OR2L13: variants seen among roughly 807,000 people sequenced by gnomAD.
The protein encoded by OR2L13 is olfactory receptor family 2 subfamily L member 13.
OR2L13 carries 14 observed loss-of-function variants against 15.3 expected under a neutral mutation model. The ratio of observed to expected loss-of-function variants is 0.91; its 90% CI spans 0.60 to 1.43. OR2L13 has a LOEUF of 1.43. OR2L13 is among the 40% of genes most tolerant of loss of function. OR2L13 has a pLI of 0.00. For missense variants in OR2L13, 367 were observed against 387.9 expected (o/e 0.95, Z 0.45); for synonymous variants, 152 against 142.9 (o/e 1.06, Z -0.45).
At chr1:248,029,493 TAAC>T in the OR2L13 span, among the ~76,000 whole-genome samples, 3 of 152,104 alleles carry the variant, frequency 2.0e-5, no homozygotes, top group South Asian at 4.1e-4. Flanking sequence ...AAGAGAGTAA[TAAC>T]AACATTTTAT....
At chr1:248,010,490 C>T in the OR2L13 span, among the ~76,000 whole-genome samples, 1 of 152,208 alleles carries the variant, frequency 6.6e-6, no homozygotes, top group Middle Eastern at 3.4e-3. Flanking sequence ...TGTGAATTTT[C>T]TGTCTCATTG....
the OR2L13 span, among the ~76,000 whole-genome samples, chr1:248,020,279 T>A: frequency 6.6e-6 from 1 of 152,096 alleles, no homozygotes; most frequent in Non-Finnish European, 1.5e-5. Context: ...AATGAGGAAG[T>A]AAAACTGTCG....
the OR2L13 span, among the ~76,000 whole-genome samples, chr1:248,055,411 T>G: frequency 6.6e-6 from 1 of 152,210 alleles, no homozygotes; most frequent in South Asian, 2.1e-4. Flanking sequence ...CTTTTTTTTT[T>G]GTTATGTCTC....
chr1:248,017,620 T>G, the OR2L13 span, among the ~76,000 whole-genome samples: 1 of 152,136 alleles, frequency 6.6e-6, no homozygotes, highest in East Asian at 1.9e-4. Flanking sequence ...GGTCTTTTAA[T>G]GGGGTCTTGG....
At chr1:248,062,224 C>G in the OR2L13 span, 1 of 152,132 alleles carries the variant, frequency 6.6e-6, no homozygotes, top group African/African-American at 2.4e-5. Context: ...GAATGAATCC[C>G]AGGAAATGAT....
chr1:247,979,890 G>A, the OR2L13 span, among the ~76,000 whole-genome samples: 13 of 150,662 alleles, frequency 8.6e-5, no homozygotes, highest in Non-Finnish European at 1.8e-4. Context: ...TGAAACAGTT[G>A]TGTTTGATTT....
the OR2L13 span, among the ~76,000 whole-genome samples, chr1:247,982,866 AT>A: frequency 6.6e-6 from 1 of 151,950 alleles, no homozygotes; most frequent in Admixed American, 6.6e-5. Context: ...ATCTATAATG[AT>A]TTTTTTATTT....
the OR2L13 span, among the ~76,000 whole-genome samples, chr1:247,969,985 C>G: frequency 1.3e-5 from 2 of 152,200 alleles, no homozygotes; most frequent in Non-Finnish European, 2.9e-5. Flanking sequence ...TCCCGGCCAA[C>G]TCCTATGCAG....
the OR2L13 span, among the ~76,000 whole-genome samples, chr1:248,050,176 G>A: frequency 6.6e-6 from 1 of 151,880 alleles, no homozygotes; most frequent in African/African-American, 2.4e-5. Flanking sequence ...TACTCACTCT[G>A]AAATAGTGAC....
chr1:247,972,193 C>T, the OR2L13 span, among the ~76,000 whole-genome samples: 1 of 152,092 alleles, frequency 6.6e-6, no homozygotes, highest in Non-Finnish European at 1.5e-5. Context: ...GACACACTAA[C>T]ATCACAATTA....
the OR2L13 span, among the ~76,000 whole-genome samples, chr1:248,053,251 A>G: frequency 3.9e-5 from 6 of 152,178 alleles, no homozygotes; most frequent in Non-Finnish European, 7.4e-5. Flanking sequence ...AATGGCTTCC[A>G]GCTTCATCCA....
At chr1:247,971,793 C>T in the OR2L13 span, among the ~76,000 whole-genome samples, 1 of 152,164 alleles carries the variant, frequency 6.6e-6, no homozygotes, top group South Asian at 2.1e-4. Context: ...CAGAACTCTC[C>T]ACCCCAAATC....
At chr1:248,084,169 T>C in the OR2L13 span, 1 of 1,611,520 alleles carries the variant, frequency 6.2e-7, no homozygotes, top group Admixed American at 1.7e-5. Flanking sequence ...GACGACATGG[T>C]CATCCTCAGG....
chr1:248,055,403 T>G, the OR2L13 span, among the ~76,000 whole-genome samples: 2 of 151,182 alleles, frequency 1.3e-5, no homozygotes, highest in African/African-American at 4.9e-5. Context: ...AAAGTTTTCT[T>G]TTTTTTTTGT....
chr1:248,058,028 C>T, the OR2L13 span, among the ~76,000 whole-genome samples: 1 of 152,166 alleles, frequency 6.6e-6, no homozygotes. Flanking sequence ...AGAAAGTGGA[C>T]TTCCGTGTCT....
chr1:248,039,036 A>G, the OR2L13 span: 3 of 1,613,960 alleles, frequency 1.9e-6, no homozygotes, highest in Non-Finnish European at 1.7e-6. Flanking sequence ...CTTTGCTTAT[A>G]CCTATGTACG....
the OR2L13 span, among the ~76,000 whole-genome samples, chr1:247,974,509 G>T: frequency 6.6e-6 from 1 of 151,820 alleles, no homozygotes; most frequent in African/African-American, 2.4e-5. Flanking sequence ...TTTTATAATT[G>T]TTCTATTTTA....
At chr1:248,025,847 G>C in the OR2L13 span, among the ~76,000 whole-genome samples, 57 of 150,292 alleles carry the variant, frequency 3.8e-4, 1 homozygote, top group East Asian at 2.7e-3. Context: ...ACTATCGCAA[G>C]AACAAAAAAC....
At chr1:248,043,417 G>C in the OR2L13 span, among the ~76,000 whole-genome samples, 4,775 of 152,236 alleles carry the variant, frequency 0.031, 225 homozygotes, top group African/African-American at 0.11. Context: ...CGATATGAAG[G>C]AGATATGGAA....
Sources: allele counts gnomAD v4.1 joint callset (sites outside exome capture counted in the v4.1 genomes callset), GRCh38; gene constraint gnomAD v4.1.1; transcripts MANE v1.5; gene names NCBI Gene and HGNC (gene_info 2026-07-23, HGNC 2026-07-21).